Variants in GPC5 observed in about 807,000 individuals in gnomAD.
GPC5 encodes the protein glypican-5.
GPC5 carries 47 observed loss-of-function variants against 53.9 expected under a neutral mutation model. The observed-to-expected ratio is 0.87, with a 90% confidence interval of 0.69 to 1.11. The LOEUF is 1.11. GPC5 is among the 50% of genes most tolerant of loss of function. The pLI, the probability that GPC5 is intolerant of heterozygous loss-of-function variation, is 0.00. For missense variants in GPC5, 748 were observed against 713.1 expected (o/e 1.05, Z -0.56); for synonymous variants, 286 against 263.3 (o/e 1.09, Z -0.84).
intron 7 of GPC5, among the ~76,000 whole-genome samples, chr13:92,628,260 C>CTTTTTTTTTTTTTTTTTTTTTTT (rs1286424637): frequency 5.3e-5 from 2 of 37,564 alleles, no homozygotes; most frequent in African/African-American, 8.2e-5. Context: ...TTTTCTTTTT[C>CTTTTTTTTTTTTTTTTTTTTTTT]TTTCTTTTTT....
intron 7 of GPC5, among the ~76,000 whole-genome samples, chr13:92,534,603 C>A (rs557887505): frequency 5.3e-5 from 8 of 152,098 alleles, no homozygotes; most frequent in African/African-American, 1.2e-4. Context: ...ATTCCCTGGA[C>A]CTTTACTGCA....
intron 7 of GPC5, among the ~76,000 whole-genome samples, chr13:92,613,696 T>A (rs925713317): frequency 7.2e-6 from 1 of 138,590 alleles, no homozygotes. Flanking sequence ...AATATATATA[T>A]TATATATATA....
At chr13:91,573,758 C>G (rs1436591882) in intron 2 of GPC5, among the ~76,000 whole-genome samples, 2 of 151,920 alleles carry the variant, frequency 1.3e-5, no homozygotes, top group Admixed American at 1.3e-4. Flanking sequence ...GGAGGTAAGA[C>G]TTGGTTGAAG....
At chr13:91,463,582 G>A (rs1387006530) in intron 2 of GPC5, among the ~76,000 whole-genome samples, 1 of 152,062 alleles carries the variant, frequency 6.6e-6, no homozygotes, top group East Asian at 1.9e-4. Context: ...TAAACATGTG[G>A]TATTGACGAA....
At chr13:91,843,911 C>A (rs979855410) in intron 5 of GPC5, among the ~76,000 whole-genome samples, 3 of 152,120 alleles carry the variant, frequency 2.0e-5, no homozygotes, top group Non-Finnish European at 4.4e-5. Flanking sequence ...GAACACCAAG[C>A]CTTCAAGGTT....
chr13:92,628,466 G>A (rs916608328), intron 7 of GPC5, among the ~76,000 whole-genome samples: 1 of 151,276 alleles, frequency 6.6e-6, no homozygotes, highest in South Asian at 2.1e-4. Context: ...GGCTGCTTTG[G>A]GGGTCAGCAG....
intron 7 of GPC5, among the ~76,000 whole-genome samples, chr13:92,388,700 C>A (rs939653729): frequency 6.6e-6 from 1 of 152,106 alleles, no homozygotes; most frequent in Non-Finnish European, 1.5e-5. Flanking sequence ...AGAAGCAGAT[C>A]TTTGCTGTGG....
intron 1 of GPC5, among the ~76,000 whole-genome samples, chr13:91,414,176 G>A (rs1878014961): frequency 6.6e-6 from 1 of 152,190 alleles, no homozygotes; most frequent in South Asian, 2.1e-4. Flanking sequence ...GAGGGACCCA[G>A]TGGGAGGCAA....
chr13:92,671,388 C>T (rs185263764), intron 7 of GPC5, among the ~76,000 whole-genome samples: 18 of 152,324 alleles, frequency 1.2e-4, no homozygotes, highest in African/African-American at 2.4e-4. Flanking sequence ...AAATCCTCTG[C>T]GCTTTCAATT....
chr13:91,418,441 A>G (rs918131659), intron 1 of GPC5, among the ~76,000 whole-genome samples: 3 of 152,340 alleles, frequency 2.0e-5, no homozygotes, highest in Middle Eastern at 3.4e-3. Flanking sequence ...AATTGACACA[A>G]GCATGAAGTG....
chr13:91,701,554 T>G (rs577366132), intron 3 of GPC5, among the ~76,000 whole-genome samples: 1 of 151,708 alleles, frequency 6.6e-6, no homozygotes, highest in East Asian at 1.9e-4. Context: ...TTCCACTGTG[T>G]GTGTGTGTGT....
At chr13:92,229,194 CAA>C (rs2042511708) in intron 7 of GPC5, among the ~76,000 whole-genome samples, 1 of 151,972 alleles carries the variant, frequency 6.6e-6, no homozygotes, top group Non-Finnish European at 1.5e-5. Flanking sequence ...AAGTGAGGTA[CAA>C]AGTGTGTGGC....
intron 7 of GPC5, among the ~76,000 whole-genome samples, chr13:92,672,356 T>G (rs1007970118): frequency 2.0e-5 from 3 of 152,150 alleles, no homozygotes; most frequent in South Asian, 2.1e-4. Context: ...CCAGCCAGAA[T>G]GGCTGTTATT....
intron 7 of GPC5, among the ~76,000 whole-genome samples, chr13:92,833,920 TAAG>T (rs1026028143): frequency 1.4e-4 from 21 of 152,250 alleles, no homozygotes; most frequent in South Asian, 1.2e-3. Flanking sequence ...TTGTAAAACA[TAAG>T]AAGAAGTTTG....
rs1215280471 is a variant in GPC5 at position 92,563,322 on chromosome 13, ATCT to A, written c.1562-302959_1562-302957del. 9.3e-4 allele frequency among the ~76,000 whole-genome samples: 142 copies of A among 152,120 alleles called. No homozygotes were observed. In the East Asian group the frequency reaches 0.024, roughly 25 times the overall value. ...AAGCTATTTTTGTGTTAATTGTTCT[ATCT>A]AAGCTTTTTATCTAATAGTTTTTAA... On this transcript the variant is annotated intron_variant, in intron 7 of 7. Coordinates refer to ENST00000377067, the MANE Select transcript of GPC5 (RefSeq NM_004466.6).
chr13:91,872,462 A>G (rs979690904), intron 5 of GPC5, among the ~76,000 whole-genome samples: 1 of 152,118 alleles, frequency 6.6e-6, no homozygotes, highest in African/African-American at 2.4e-5. Context: ...AAGGAAACAT[A>G]TTCATATGTT....
chr13:92,116,894 T>C (rs1005610265), intron 6 of GPC5, among the ~76,000 whole-genome samples: 2 of 152,216 alleles, frequency 1.3e-5, no homozygotes, highest in Non-Finnish European at 2.9e-5. Context: ...GTTGGGTTGA[T>C]GGTTTCTTTA....
chr13:92,446,994 A>G (rs1266049217), intron 7 of GPC5: 1 of 152,120 alleles, frequency 6.6e-6, no homozygotes, highest in African/African-American at 2.4e-5. Context: ...ATTTTTTCAT[A>G]TAGAGTTGTT....
chr13:92,502,680 G>T (rs573305524), intron 7 of GPC5, among the ~76,000 whole-genome samples: 2 of 151,980 alleles, frequency 1.3e-5, no homozygotes, highest in Non-Finnish European at 2.9e-5. Flanking sequence ...CCTAACAGCA[G>T]AATTTTAGAA....
Sources: gnomAD v4.1 joint callset for allele counts (sites outside exome capture counted in the v4.1 genomes callset) on GRCh38, gnomAD v4.1.1 for gene constraint, MANE v1.5 for transcripts, NCBI Gene and HGNC (gene_info 2026-07-23, HGNC 2026-07-21) for gene names.